MAD1L1: variants seen among roughly 807,000 people sequenced by gnomAD.
The protein encoded by MAD1L1 is mitotic spindle assembly checkpoint protein MAD1.
In MAD1L1, 95 loss-of-function variants were observed where a neutral mutation model predicts 96.9. The ratio of observed to expected loss-of-function variants is 0.98; its 90% confidence interval spans 0.83 to 1.16. MAD1L1 has a LOEUF of 1.16. Among genes scored for constraint, MAD1L1 ranks in the 50% most tolerant of loss-of-function variants. The pLI, the probability that MAD1L1 is intolerant of heterozygous loss-of-function variation, is 0.00. For missense variants in MAD1L1, 1,007 were observed against 954.4 expected, an observed-to-expected ratio of 1.06 and a Z score of -0.73; for synonymous variants, 473 against 396.6, an observed-to-expected ratio of 1.19 and a Z score of -2.29.
intron 18 of MAD1L1, among the ~76,000 whole-genome samples, chr7:1,886,281 C>T (rs1206871501): frequency 6.6e-6 from 1 of 152,224 alleles, no homozygotes; most frequent in Non-Finnish European, 1.5e-5. Context: ...AAGATCAGTG[C>T]ACGGGAGATG....
intron 10 of MAD1L1, among the ~76,000 whole-genome samples, chr7:2,161,685 G>A (rs1422644407): frequency 2.0e-5 from 3 of 148,006 alleles, no homozygotes; most frequent in South Asian, 2.2e-4. Flanking sequence ...GCCGCCCATC[G>A]TCTGGGATGT....
chr7:1,856,072 C>T (rs143410058), intron 18 of MAD1L1, among the ~76,000 whole-genome samples: 1 of 152,296 alleles, frequency 6.6e-6, no homozygotes, highest in Non-Finnish European at 1.5e-5. Flanking sequence ...AATCCCAGTC[C>T]AAGGGCTGCA....
chr7:2,080,074 G>C (rs1004714647), intron 11 of MAD1L1: 1 of 201,958 alleles, frequency 5.0e-6, no homozygotes, highest in Non-Finnish European at 1.0e-5. Flanking sequence ...GCCCCAAGGG[G>C]CCACATGGCC....
chr7:1,998,214 T>C (rs1391664360), intron 14 of MAD1L1, among the ~76,000 whole-genome samples: 1 of 152,034 alleles, frequency 6.6e-6, no homozygotes, highest in Non-Finnish European at 1.5e-5. Context: ...CCACCCCACC[T>C]GAGGGCCCAA....
chr7:1,844,013 G>T (rs1783436975), intron 18 of MAD1L1, among the ~76,000 whole-genome samples: 1 of 152,184 alleles, frequency 6.6e-6, no homozygotes, highest in Non-Finnish European at 1.5e-5. Flanking sequence ...GGCCGGGAAG[G>T]GCAGCAAGTG....
chr7:1,856,567 G>A (rs929591518), intron 18 of MAD1L1, among the ~76,000 whole-genome samples: 1 of 152,222 alleles, frequency 6.6e-6, no homozygotes, highest in Admixed American at 6.5e-5. Context: ...CTTATCACCC[G>A]CGGCCTGTAT....
chr7:2,157,476 C>T (rs1390484774), intron 10 of MAD1L1, among the ~76,000 whole-genome samples: 1 of 152,182 alleles, frequency 6.6e-6, no homozygotes, highest in Non-Finnish European at 1.5e-5. Flanking sequence ...AAGACGCTGC[C>T]CATCTGGGAG....
chr7:2,203,758 A>C (rs1363953283), intron 10 of MAD1L1, among the ~76,000 whole-genome samples: 1 of 152,230 alleles, frequency 6.6e-6, no homozygotes, highest in Non-Finnish European at 1.5e-5. Context: ...GGGAGTACAT[A>C]AAGAGCTTCT....
intron 11 of MAD1L1, among the ~76,000 whole-genome samples, chr7:2,110,708 A>C (rs4721410): frequency 1.3e-5 from 2 of 151,974 alleles, no homozygotes; most frequent in African/African-American, 2.4e-5. Context: ...AGATGCTTTC[A>C]GATCTGTGAC....
chr7:2,009,595 G>C (rs1298679623), intron 13 of MAD1L1, among the ~76,000 whole-genome samples: 2 of 152,192 alleles, frequency 1.3e-5, no homozygotes, highest in Non-Finnish European at 2.9e-5. Context: ...GTACACAGAA[G>C]CTCTCCCTGT....
intron 18 of MAD1L1, among the ~76,000 whole-genome samples, chr7:1,836,275 C>T (rs1782933882): frequency 6.6e-6 from 1 of 152,178 alleles, no homozygotes; most frequent in Non-Finnish European, 1.5e-5. Context: ...CTGCCTCAGC[C>T]TCCCAAAGTG....
At chr7:1,907,566 C>T (rs1003188697) in intron 17 of MAD1L1, among the ~76,000 whole-genome samples, 4 of 152,254 alleles carry the variant, frequency 2.6e-5, no homozygotes, top group African/African-American at 4.8e-5. Context: ...GACGCCGCCA[C>T]GGGGCCAGGA....
chr7:1,956,631 G>A (rs1196784521), intron 16 of MAD1L1, among the ~76,000 whole-genome samples: 1 of 44,530 alleles, frequency 2.2e-5, no homozygotes, highest in East Asian at 7.7e-4. Flanking sequence ...GAGGGTCACA[G>A]GTGACACTGC....
At position 2,003,587 on chromosome 7, in the gene MAD1L1, T is replaced by C. The variant is rs990784989; in HGVS notation, c.1360-1466A>G. Among the ~76,000 whole-genome samples, 6 of 152,162 alleles carry C rather than the reference T, an allele frequency of 3.9e-5. No individual in the cohort carries two copies. In the East Asian group the frequency reaches 1.2e-3, roughly 30 times the overall value. Reference sequence around the variant, plus strand: ...GGTGCTCCCGTGGAGGCTGCAGGTGTGAGCACCTGAGCCTCCCAAGCCTCT... The same window carrying C: ...GGTGCTCCCGTGGAGGCTGCAGGTGCGAGCACCTGAGCCTCCCAAGCCTCT... On this transcript the variant is annotated intron_variant, in intron 13 of 18. Coordinates refer to ENST00000265854, the MANE Select transcript of MAD1L1 (RefSeq NM_001013836.2).
At chr7:1,891,331 C>T (rs1468668068) in intron 18 of MAD1L1, among the ~76,000 whole-genome samples, 1 of 152,048 alleles carries the variant, frequency 6.6e-6, no homozygotes, top group East Asian at 1.9e-4. Flanking sequence ...TGAGACCATC[C>T]TGGCCAACAT....
chr7:1,969,714 T>C (rs1009553016), intron 15 of MAD1L1, among the ~76,000 whole-genome samples: 1 of 152,220 alleles, frequency 6.6e-6, no homozygotes, highest in African/African-American at 2.4e-5. Context: ...TGTATTTCCC[T>C]GTATTAGGAA....
intron 11 of MAD1L1, among the ~76,000 whole-genome samples, chr7:2,070,298 C>A (rs3800869): frequency 1.3e-5 from 2 of 152,010 alleles, no homozygotes; most frequent in Non-Finnish European, 2.9e-5. Context: ...CACCTCCTCA[C>A]GGGAGGGGCT....
chr7:2,105,066 C>A (rs899765472), intron 11 of MAD1L1, among the ~76,000 whole-genome samples: 5 of 152,186 alleles, frequency 3.3e-5, no homozygotes, highest in African/African-American at 1.2e-4. Flanking sequence ...AGGGGCCGGA[C>A]ACCGCAGTGA....
chr7:2,199,156 T>C (rs1322583623), intron 10 of MAD1L1, among the ~76,000 whole-genome samples: 1 of 152,188 alleles, frequency 6.6e-6, no homozygotes, highest in African/African-American at 2.4e-5. Context: ...CCTGCCAAAA[T>C]GGCATTTGCA....
Sources: allele counts gnomAD v4.1 joint callset (sites outside exome capture counted in the v4.1 genomes callset), GRCh38; gene constraint gnomAD v4.1.1; transcripts MANE v1.5; gene names NCBI Gene and HGNC (gene_info 2026-07-23, HGNC 2026-07-21).